The following GNAQ variants were observed in gnomAD, a reference collection of about 807,000 sequenced individuals.
GNAQ encodes the protein guanine nucleotide-binding protein G(q) subunit alpha.
Under a neutral mutation model 43.9 loss-of-function variants are expected in GNAQ, and 8 were observed. The ratio of observed to expected loss-of-function variants is 0.18; its 90% CI spans 0.11 to 0.33. GNAQ has a LOEUF of 0.33. Ranked by LOEUF, GNAQ falls within the 10% of genes least tolerant of loss-of-function variation. The pLI, the probability that GNAQ is intolerant of heterozygous loss-of-function variation, is 1.00. For missense variants in GNAQ, 158 were observed against 450.8 expected, an observed-to-expected ratio of 0.35 and a Z score of 5.88; for synonymous variants, 155 against 170.7, an observed-to-expected ratio of 0.91 and a Z score of 0.71.
chr9:77,945,915 T>A (rs1255649942), intron 1 of GNAQ, among the ~76,000 whole-genome samples: 2 of 152,206 alleles, frequency 1.3e-5, no homozygotes, highest in Non-Finnish European at 2.9e-5. Flanking sequence ...CAAGTTTACA[T>A]CCTCTAACTT....
chr9:78,014,814 G>A (rs908812300), intron 1 of GNAQ, among the ~76,000 whole-genome samples: 2 of 152,148 alleles, frequency 1.3e-5, no homozygotes, highest in Admixed American at 1.3e-4. Context: ...CCTCATAAAA[G>A]AGTACAGTCC....
At chr9:77,762,775 A>G (rs1564103557) in intron 5 of GNAQ, among the ~76,000 whole-genome samples, 2 of 152,132 alleles carry the variant, frequency 1.3e-5, no homozygotes, top group Non-Finnish European at 2.9e-5. Flanking sequence ...CTGCCTTGGG[A>G]TCCTGTTGAT....
chr9:77,828,505 C>A (rs1827242658), intron 2 of GNAQ, among the ~76,000 whole-genome samples: 1 of 152,174 alleles, frequency 6.6e-6, no homozygotes, highest in Non-Finnish European at 1.5e-5. Flanking sequence ...GTCTTCACAG[C>A]ACAATTGTTG....
At chr9:77,771,937 G>A (rs1826228862) in intron 5 of GNAQ, among the ~76,000 whole-genome samples, 1 of 152,098 alleles carries the variant, frequency 6.6e-6, no homozygotes, top group Non-Finnish European at 1.5e-5. Context: ...CTGGAAGGCT[G>A]AGGAGCCAGC....
At chr9:77,726,753 A>T (rs1438172133) in intron 6 of GNAQ, among the ~76,000 whole-genome samples, 1 of 152,224 alleles carries the variant, frequency 6.6e-6, no homozygotes, top group Non-Finnish European at 1.5e-5. Context: ...ATTCCATTCA[A>T]TTCTTTCTTG....
At chr9:77,932,439 A>C (rs1829165619) in intron 1 of GNAQ, among the ~76,000 whole-genome samples, 1 of 152,202 alleles carries the variant, frequency 6.6e-6, no homozygotes, top group Non-Finnish European at 1.5e-5. Flanking sequence ...TAAAGAATTA[A>C]ACGACAATGA....
chr9:77,740,015 T>C (rs1438172762), intron 5 of GNAQ, among the ~76,000 whole-genome samples: 2 of 152,208 alleles, frequency 1.3e-5, no homozygotes, highest in African/African-American at 4.8e-5. Context: ...GAACAAATTC[T>C]CAGTGTGTTA....
At chr9:77,968,771 T>C (rs976836773) in intron 1 of GNAQ, among the ~76,000 whole-genome samples, 14 of 152,196 alleles carry the variant, frequency 9.2e-5, no homozygotes, top group Admixed American at 9.2e-4. Flanking sequence ...AGAGACACAA[T>C]TATGCCGGGG....
At chr9:77,848,343 C>T (rs969742140) in intron 2 of GNAQ, among the ~76,000 whole-genome samples, 1 of 152,190 alleles carries the variant, frequency 6.6e-6, no homozygotes, top group Non-Finnish European at 1.5e-5. Flanking sequence ...GGGCAATTTC[C>T]ACTTCACAAG....
chr9:77,970,926 C>A (rs913106517), intron 1 of GNAQ, among the ~76,000 whole-genome samples: 4 of 151,892 alleles, frequency 2.6e-5, no homozygotes, highest in East Asian at 3.9e-4. Context: ...ATCGATGCAA[C>A]AAAAAATGAT....
intron 5 of GNAQ, among the ~76,000 whole-genome samples, chr9:77,735,373 T>C (rs1825561699): frequency 6.6e-6 from 1 of 152,250 alleles, no homozygotes. Context: ...AATATTATCA[T>C]TTGTAGCTTA....
At chr9:77,777,539 T>A (rs1351704158) in intron 5 of GNAQ, among the ~76,000 whole-genome samples, 4 of 151,974 alleles carry the variant, frequency 2.6e-5, no homozygotes, top group African/African-American at 9.7e-5. Flanking sequence ...AAGGACACTA[T>A]AAAGAAAGTG....
At chr9:77,830,914 T>C (rs1827288370) in intron 2 of GNAQ, among the ~76,000 whole-genome samples, 1 of 151,928 alleles carries the variant, frequency 6.6e-6, no homozygotes, top group Non-Finnish European at 1.5e-5. Context: ...AAAGAAAGAG[T>C]TTCAGTGGAG....
chr9:77,913,737 C>A (rs1212966332), intron 2 of GNAQ, among the ~76,000 whole-genome samples: 2 of 152,102 alleles, frequency 1.3e-5, no homozygotes, highest in African/African-American at 4.8e-5. Flanking sequence ...AGTGGTCATC[C>A]TTCGGAACTT....
rs572908492 is a variant in GNAQ, at chr9:77,944,546, T to A, written c.137-22201A>T. Among the ~76,000 whole-genome samples, 10 of 152,134 alleles carry A rather than the reference T, an allele frequency of 6.6e-5. No individual in the cohort carries two copies. The South Asian group carries it at 1.0e-3, about 16-fold the overall frequency. Reference sequence around the variant, plus strand: ...CTGAGGCCCCTCTGGTCAGGCCCAGTAGAAAATATGTTTGGGAGTAGGTGG... The same window carrying A: ...CTGAGGCCCCTCTGGTCAGGCCCAGAAGAAAATATGTTTGGGAGTAGGTGG... On this transcript the variant is annotated intron_variant, in intron 1 of 6. Coordinates refer to ENST00000286548, the MANE Select transcript of GNAQ (RefSeq NM_002072.5).
chr9:77,777,968 T>C (rs962294447), intron 5 of GNAQ, among the ~76,000 whole-genome samples: 1 of 151,950 alleles, frequency 6.6e-6, no homozygotes, highest in African/African-American at 2.4e-5. Context: ...CTCCCAGGAA[T>C]ACACCCAAGA....
chr9:77,884,006 C>T (rs1828261048), intron 2 of GNAQ, among the ~76,000 whole-genome samples: 1 of 152,074 alleles, frequency 6.6e-6, no homozygotes, highest in Admixed American at 6.5e-5. Context: ...ACAAGTATGC[C>T]CTCAAAACAG....
chr9:78,030,431 T>C (rs192240801), intron 1 of GNAQ: 1 of 451,842 alleles, frequency 2.2e-6, no homozygotes, highest in Admixed American at 2.4e-5. Context: ...ACAGCACTTG[T>C]GTGACACATT....
intron 2 of GNAQ, among the ~76,000 whole-genome samples, chr9:77,820,379 T>C (rs1827093853): frequency 6.6e-6 from 1 of 152,262 alleles, no homozygotes; most frequent in Non-Finnish European, 1.5e-5. Context: ...GTGCATTATA[T>C]GCAGAGTGAC....
Sources: allele counts gnomAD v4.1 joint callset (sites outside exome capture counted in the v4.1 genomes callset), GRCh38; gene constraint gnomAD v4.1.1; transcripts MANE v1.5; gene names NCBI Gene and HGNC (gene_info 2026-07-23, HGNC 2026-07-21).